The following TRMT10B variants were observed in gnomAD, a reference collection of about 807,000 sequenced individuals.
TRMT10B encodes the protein tRNA methyltransferase 10B.
TRMT10B carries 33 observed loss-of-function variants against 43.8 expected under a neutral mutation model. The ratio of observed to expected loss-of-function variants is 0.75; its 90% CI spans 0.57 to 1.01. TRMT10B has a LOEUF of 1.01. Among genes scored for constraint, TRMT10B ranks in the 50% least tolerant of loss-of-function variants. The probability of loss-of-function intolerance (pLI) is 0.00; values close to 1 mark genes in which losing one functional copy is unlikely to be tolerated. For missense variants in TRMT10B, 362 were observed against 369.8 expected, an observed-to-expected ratio of 0.98 and a Z score of 0.17; for synonymous variants, 137 against 130.6, an observed-to-expected ratio of 1.05 and a Z score of -0.34.
intron 6 of TRMT10B, among the ~76,000 whole-genome samples, chr9:37,770,458 G>T (rs1419358836): frequency 6.6e-6 from 1 of 151,948 alleles, no homozygotes; most frequent in Non-Finnish European, 1.5e-5. Context: ...ATGTTGATTT[G>T]GGTCTGCTAC....
In TRMT10B at chr9:37,762,042, G is replaced by A; in HGVS notation, c.111G>A (p.Gln37=). 2 of 1,614,164 alleles carry A rather than the reference G, an allele frequency of 1.2e-6. No individual in the cohort carries two copies. The highest frequency in any genetic ancestry group is 1.7e-6 in the Non-Finnish European group (2 of 1,180,030). ...AAGATGGACTTCCTGAAGGCTTCCAGCTTCTGCAGATCGATGCGGAAGGCG... is the reference window on the plus strand; with the variant it reads ...AAGATGGACTTCCTGAAGGCTTCCAACTTCTGCAGATCGATGCGGAAGGCG... ...TGEDGLPEGF[Q]LLQIDAEGEC... Residue 37 remains glutamine, a synonymous_variant, in exon 2 of 9, where the codon CAG becomes CAA. Transcript: ENST00000297994.
upstream of TRMT10B, among the ~76,000 whole-genome samples, chr9:37,752,983 C>A (rs191820770): frequency 6.6e-6 from 1 of 152,144 alleles, no homozygotes; most frequent in South Asian, 2.1e-4. Context: ...CCCTTTGGGT[C>A]CCTACTGTCT....
rs758420828 is a variant in TRMT10B at position 37,770,684 on chromosome 9, T to C, written c.665T>C (p.Val222Ala). ...TPDSEHALED[V>A]DLNKVYILGG... Reference sequence around the variant, plus strand: ...ATTTTTTCATTAGCTCTTGAAGATGTTGATCTAAACAAAGTTTACATCCTC... The same window carrying C: ...ATTTTTTCATTAGCTCTTGAAGATGCTGATCTAAACAAAGTTTACATCCTC... The change falls in exon 7 of 9, where the codon GTT (valine) becomes GCT (alanine). Residue 222 changes from valine (V) to alanine (A), a missense_variant. Val to Ala is a moderately conservative substitution (Grantham distance 64, BLOSUM62 0). Transcript: ENST00000297994. 2.3e-5 allele frequency: 37 copies of C among 1,613,838 alleles called. No homozygotes were observed. The Middle Eastern group carries it at 5.0e-4, about 22-fold the overall frequency.
intron 1 of TRMT10B, among the ~76,000 whole-genome samples, chr9:37,755,624 C>T (rs1485733436): frequency 6.6e-6 from 1 of 152,172 alleles, no homozygotes; most frequent in East Asian, 1.9e-4. Context: ...AGGTGGGCCC[C>T]GCCTTCAGGA....
At chr9:37,754,740 C>T (rs1434734566) in intron 1 of TRMT10B, among the ~76,000 whole-genome samples, 1 of 152,174 alleles carries the variant, frequency 6.6e-6, no homozygotes, top group Non-Finnish European at 1.5e-5. Flanking sequence ...TGCTTAGTAG[C>T]TTTGTTGAAC....
intron 1 of TRMT10B, among the ~76,000 whole-genome samples, chr9:37,754,459 A>T (rs1258622759): frequency 6.6e-6 from 1 of 152,214 alleles, no homozygotes; most frequent in Non-Finnish European, 1.5e-5. Context: ...TGCATAGGTC[A>T]TTGTATGGAT....
At chr9:37,758,881 C>A (rs1220225350) in intron 1 of TRMT10B, among the ~76,000 whole-genome samples, 3 of 152,166 alleles carry the variant, frequency 2.0e-5, no homozygotes, top group Non-Finnish European at 1.5e-5. Context: ...TGACACGGAG[C>A]CCATACAGAG....
intron 7 of TRMT10B, among the ~76,000 whole-genome samples, chr9:37,773,819 C>T (rs543916427): frequency 2.9e-4 from 44 of 152,030 alleles, no homozygotes; most frequent in African/African-American, 1.0e-3. Flanking sequence ...GGTGACAGAG[C>T]GAGACTCTGT....
chr9:37,760,944 C>T (rs1826264062), intron 1 of TRMT10B, among the ~76,000 whole-genome samples: 1 of 152,142 alleles, frequency 6.6e-6, no homozygotes, highest in South Asian at 2.1e-4. Context: ...AAATTGACAT[C>T]ATTAAGTGTT....
chr9:37,760,804 A>G (rs1400580732), intron 1 of TRMT10B, among the ~76,000 whole-genome samples: 1 of 152,208 alleles, frequency 6.6e-6, no homozygotes, highest in Non-Finnish European at 1.5e-5. Flanking sequence ...TATTTTTCAT[A>G]AAAGTGGTTG....
chr9:37,770,813 A>C, intron 7 of TRMT10B, 74 bp downstream of exon 7: 1 of 1,503,662 alleles, frequency 6.7e-7, no homozygotes, highest in East Asian at 2.3e-5. Flanking sequence ...GCCCTGTTAT[A>C]GTCTCCTCTA....
Position 37,774,360 on chromosome 9 carries a change from C to G in TRMT10B, c.721-1922C>G, listed in dbSNP as rs16934454. The stretch of plus-strand genomic sequence containing the variant: ...GGGTCAGTGAGCAGTGCATGACTTA[C>G]AGATGTGCAGTTTTAACATATTATC... On this transcript the variant is annotated intron_variant, in intron 7 of 8. Coordinates refer to ENST00000297994, the MANE Select transcript of TRMT10B (RefSeq NM_144964.4). Among the ~76,000 whole-genome samples the G allele has an allele frequency of 2.8e-3, 427 of 152,310 alleles. 3 individuals carry two copies. The highest frequency in any genetic ancestry group is 9.7e-3 in the African/African-American group (405 of 41,560).
At chr9:37,763,803 AGAAGGGTACAGCTTTCC>A in intron 4 of TRMT10B, 50 bp downstream of exon 4, 1 of 1,612,190 alleles carries the variant, frequency 6.2e-7, no homozygotes, top group Non-Finnish European at 8.5e-7. Flanking sequence ...AGGGAGGCCC[AGAAGGGTACAGCTTTCC>A]GAAGAATATG....
chr9:37,756,791 CATGTGT>C (rs1563982970), intron 1 of TRMT10B, among the ~76,000 whole-genome samples: 1 of 137,068 alleles, frequency 7.3e-6, no homozygotes, highest in Non-Finnish European at 1.6e-5. Flanking sequence ...TGTATACATA[CATGTGT>C]ATGTGTATAT....
At chr9:37,771,244 C>G (rs1293327468) in intron 7 of TRMT10B, among the ~76,000 whole-genome samples, 2 of 152,114 alleles carry the variant, frequency 1.3e-5, no homozygotes, top group African/African-American at 4.8e-5. Context: ...TTTATATTTA[C>G]TAACATATTA....
chr9:37,775,084 A>G (rs1827998631), intron 7 of TRMT10B, among the ~76,000 whole-genome samples: 1 of 152,196 alleles, frequency 6.6e-6, no homozygotes, highest in Non-Finnish European at 1.5e-5. Flanking sequence ...AGTCTCAAAG[A>G]AAACAGAATT....
rs765773632 is a variant in TRMT10B at position 37,769,931 on chromosome 9, C to T, written c.574-10C>T. 10 of 1,613,124 alleles carry T rather than the reference C, an allele frequency of 6.2e-6. No individual in the cohort carries two copies. The East Asian group carries it at 2.2e-4, about 36-fold the overall frequency. The stretch of plus-strand genomic sequence containing the variant: ...AGCTGTTTTAACATCAGACTGTTTG[C>T]ATTTTCCAGTTAGACATAACAGAAG... On this transcript the variant is annotated splice_polypyrimidine_tract_variant and intron_variant, in intron 5 of 8. Coordinates refer to ENST00000297994, the MANE Select transcript of TRMT10B (RefSeq NM_144964.4).
At chr9:37,763,164 AAC>A (rs1491060997) in intron 3 of TRMT10B, among the ~76,000 whole-genome samples, 8 of 148,590 alleles carry the variant, frequency 5.4e-5, no homozygotes, top group South Asian at 2.1e-4. Flanking sequence ...AAAAAAAAAA[AAC>A]AAAAAAAAAA....
At chr9:37,768,902 A>G (rs1356947974) in intron 5 of TRMT10B, among the ~76,000 whole-genome samples, 1 of 152,208 alleles carries the variant, frequency 6.6e-6, no homozygotes, top group Non-Finnish European at 1.5e-5. Flanking sequence ...ATTCTTTTAC[A>G]TAAGCCAAAC....
Sources: gnomAD v4.1 joint callset for allele counts (sites outside exome capture counted in the v4.1 genomes callset) on GRCh38, gnomAD v4.1.1 for gene constraint, MANE v1.5 for transcripts, NCBI Gene and HGNC (gene_info 2026-07-23, HGNC 2026-07-21) for gene names.